PLCG2: variants seen among roughly 807,000 people sequenced by gnomAD.
The protein encoded by PLCG2 is phospholipase C gamma 2, also known as 1-phosphatidylinositol 4,5-bisphosphate phosphodiesterase gamma-2.
A neutral mutation model predicts 175.6 loss-of-function variants in PLCG2; 69 were observed. The observed-to-expected ratio is 0.39, with a 90% CI of 0.32 to 0.48. PLCG2 has a LOEUF of 0.48. Among genes scored for constraint, PLCG2 ranks in the 20% least tolerant of loss-of-function variants. The pLI is 0.91. For missense variants in PLCG2, 1,798 were observed against 1,650.9 expected (o/e 1.09, Z -1.54); for synonymous variants, 827 against 624.0 (o/e 1.33, Z -4.85).
At chr16:81,917,931 C>CA (rs1158042593) in intron 19 of PLCG2, among the ~76,000 whole-genome samples, 4 of 152,182 alleles carry the variant, frequency 2.6e-5, no homozygotes, top group African/African-American at 9.7e-5. Context: ...CCATGTTGGC[C>CA]AGGCTGGTAT....
rs200354151 is a variant in PLCG2 at position 81,889,307 on chromosome 16, G to C, written c.867+34G>C. On this transcript the variant is annotated intron_variant, in intron 10 of 32. Transcript: ENST00000564138. ...GCTGGGCTTGTTGTCGCTTGGGGGT[G>C]ACTTTTTGATTGATGTCTGTGCTTT... 10 of 1,207,926 alleles carry C rather than the reference G, an allele frequency of 8.3e-6. No individual in the cohort carries two copies. In the African/African-American group the frequency reaches 1.0e-4, roughly 13 times the overall value. The allele number at this position is 1,207,926 out of a possible 1,614,324, so 74.8% of individuals were successfully genotyped here.
At chr16:81,769,856 A>G (rs1424134754) in intron 2 of PLCG2, among the ~76,000 whole-genome samples, 2 of 145,214 alleles carry the variant, frequency 1.4e-5, no homozygotes, top group East Asian at 2.0e-4. Context: ...AGAAAAAGAC[A>G]TGGGCCTTCA....
intron 1 of PLCG2, among the ~76,000 whole-genome samples, chr16:81,747,591 C>T (rs942604621): frequency 6.6e-6 from 1 of 151,226 alleles, no homozygotes; most frequent in East Asian, 1.9e-4. Context: ...GATTGGAAGT[C>T]ATCTACACAT....
At chr16:81,818,799 G>A (rs1291132643) in intron 2 of PLCG2, among the ~76,000 whole-genome samples, 1 of 151,748 alleles carries the variant, frequency 6.6e-6, no homozygotes, top group Non-Finnish European at 1.5e-5. Flanking sequence ...GAGTGTGGAG[G>A]GCAGCCTCAT....
intron 25 of PLCG2, among the ~76,000 whole-genome samples, chr16:81,933,638 T>C (rs1910594333): frequency 1.3e-5 from 2 of 152,090 alleles, no homozygotes; most frequent in South Asian, 4.2e-4. Flanking sequence ...CTTTGTTAAA[T>C]GGAGATAATT....
Position 81,938,823 on chromosome 16 carries a change from C to A in PLCG2, c.3221C>A (p.Pro1074His). The A allele has an allele frequency of 1.3e-6, 2 of 1,589,214 alleles. No individual in the cohort carries two copies. The highest frequency in any genetic ancestry group is 1.7e-6 in the Non-Finnish European group (2 of 1,166,742). ...TVKVLGARHLPKLGRSIACPF... is the reference protein window; with the variant it reads ...TVKVLGARHLHKLGRSIACPF... ...CAGGTTCTCGGTGCTCGCCATCTCC[C>A]CAAACTTGGACGAAGTATTGCCTGT... Residue 1074 changes from proline to histidine, a missense_variant, in exon 29 of 33, where the codon CCC (proline) becomes CAC (histidine). Pro to His is a moderately conservative substitution (Grantham distance 77). Coordinates refer to ENST00000564138, the MANE Select transcript of PLCG2 (RefSeq NM_002661.5).
chr16:81,766,755 G>C (rs1297683941), intron 2 of PLCG2: 3 of 152,166 alleles, frequency 2.0e-5, no homozygotes, highest in African/African-American at 4.8e-5. Context: ...CACAGCAAGT[G>C]TTCAGTATTG....
intron 2 of PLCG2, among the ~76,000 whole-genome samples, chr16:81,794,346 A>T (rs1199161758): frequency 1.3e-5 from 2 of 152,188 alleles, no homozygotes; most frequent in Non-Finnish European, 2.9e-5. Flanking sequence ...ATTACTATTA[A>T]TAATAATAAT....
At chr16:81,756,166 A>C (rs1288866635) in intron 2 of PLCG2, among the ~76,000 whole-genome samples, 1 of 152,248 alleles carries the variant, frequency 6.6e-6, no homozygotes, top group Non-Finnish European at 1.5e-5. Context: ...AAGATCAAAT[A>C]GGGCTGCTAA....
intron 21 of PLCG2, among the ~76,000 whole-genome samples, chr16:81,922,537 T>G (rs1597134158): frequency 6.6e-6 from 1 of 152,194 alleles, no homozygotes; most frequent in Admixed American, 6.5e-5. Context: ...CCCTGTGAAA[T>G]ATATAAAAAT....
In PLCG2 at chr16:81,792,829, A is replaced by G. The variant is rs571457971; in HGVS notation, c.193+6647A>G. ...ACACATGAGGATTATGGGAACGACA[A>G]TTTAAGATGAGATTTGGGTGGGGAG... On this transcript the variant is annotated intron_variant, in intron 2 of 32. Coordinates refer to ENST00000564138, the MANE Select transcript of PLCG2 (RefSeq NM_002661.5). Among the ~76,000 whole-genome samples the G allele has an allele frequency of 3.9e-5, 6 of 152,276 alleles. No individual in the cohort carries two copies. The South Asian group carries it at 6.2e-4, about 16-fold the overall frequency.
At chr16:81,930,086 A>G (rs901874358) in intron 24 of PLCG2, among the ~76,000 whole-genome samples, 6 of 152,300 alleles carry the variant, frequency 3.9e-5, no homozygotes, top group African/African-American at 1.4e-4. Flanking sequence ...CTTTAGTCTC[A>G]GCTACTCAGG....
At chr16:81,796,639 T>C (rs777338908) in intron 2 of PLCG2, among the ~76,000 whole-genome samples, 7 of 152,206 alleles carry the variant, frequency 4.6e-5, no homozygotes, top group Admixed American at 2.0e-4. Flanking sequence ...GATGAAATCA[T>C]AATGGAATAG....
chr16:81,928,562 T>C lies in PLCG2; in HGVS notation c.2519T>C (p.Ile840Thr). Reference protein sequence around the residue: ...ADFEELEKQIIEDNPLGSLCR... With the variant: ...ADFEELEKQITEDNPLGSLCR... ...TTATGTCTTGTTTCTTCACAGATTATTGAAGACAATCCCTTAGGGTCTCTT... is the reference window on the plus strand; with the variant it reads ...TTATGTCTTGTTTCTTCACAGATTACTGAAGACAATCCCTTAGGGTCTCTT... Residue 840 changes from isoleucine to threonine, a missense_variant, in exon 24 of 33, where the codon ATT becomes ACT. Ile to Thr is a moderately conservative substitution (Grantham distance 89, BLOSUM62 -1). Coordinates refer to ENST00000564138, the MANE Select transcript of PLCG2 (RefSeq NM_002661.5). 1 of 1,597,434 alleles carries C rather than the reference T, an allele frequency of 6.3e-7. No homozygotes were observed. Among genetic ancestry groups the C allele is most frequent in the Non-Finnish European group, 8.6e-7 (1 of 1,164,760 alleles).
chr16:81,786,441 C>A (rs536930702), intron 2 of PLCG2, among the ~76,000 whole-genome samples: 9 of 152,184 alleles, frequency 5.9e-5, no homozygotes, highest in Non-Finnish European at 1.0e-4. Context: ...TCAGGCAGCT[C>A]TCCTTGCCTG....
At chr16:81,940,321 C>G (rs987014897) in intron 30 of PLCG2, among the ~76,000 whole-genome samples, 3 of 152,170 alleles carry the variant, frequency 2.0e-5, no homozygotes, top group Non-Finnish European at 4.4e-5. Flanking sequence ...CAACCTGGCA[C>G]TGCAGTTTGA....
chr16:81,903,475 C>T (rs763365882), intron 14 of PLCG2, among the ~76,000 whole-genome samples: 7 of 152,204 alleles, frequency 4.6e-5, no homozygotes, highest in East Asian at 1.9e-4. Flanking sequence ...TTTGCCTAAG[C>T]GGGAGATCAG....
At chr16:81,757,015 G>A (rs1300959267) in intron 2 of PLCG2, among the ~76,000 whole-genome samples, 1 of 152,236 alleles carries the variant, frequency 6.6e-6, no homozygotes, top group Non-Finnish European at 1.5e-5. Flanking sequence ...GAAGTGTAGT[G>A]ACTCTGTATC....
At chr16:81,871,414 C>T (rs1353528425) in intron 7 of PLCG2, among the ~76,000 whole-genome samples, 2 of 152,210 alleles carry the variant, frequency 1.3e-5, no homozygotes, top group Non-Finnish European at 2.9e-5. Context: ...TCTTGGTTCA[C>T]TGCAACCTTT....
Sources: gnomAD v4.1 joint callset for allele counts (sites outside exome capture counted in the v4.1 genomes callset) on GRCh38, gnomAD v4.1.1 for gene constraint, MANE v1.5 for transcripts, NCBI Gene and HGNC (gene_info 2026-07-23, HGNC 2026-07-21) for gene names.